MYPN: variants seen among roughly 807,000 people sequenced by gnomAD.
MYPN encodes myopalladin.
MYPN carries 63 observed loss-of-function variants against 129.4 expected under a neutral mutation model. The observed-to-expected ratio is 0.49, with a 90% CI of 0.40 to 0.60. The LOEUF is 0.60. Ranked by LOEUF, MYPN falls within the 20% of genes least tolerant of loss-of-function variation. The pLI is 0.00. For synonymous variants in MYPN, 629 were observed against 600.9 expected (o/e 1.05, Z -0.68); for missense variants, 1,596 against 1,635.4 (o/e 0.98, Z 0.42).
At chr10:68,099,179 T>G (rs1443172209) in intron 1 of MYPN, among the ~76,000 whole-genome samples, 1 of 152,156 alleles carries the variant, frequency 6.6e-6, no homozygotes, top group East Asian at 1.9e-4. Flanking sequence ...TAGATAAAAT[T>G]TGGGGTGGCT....
chr10:68,147,048 A>G (rs1364437451), intron 4 of MYPN, among the ~76,000 whole-genome samples: 1 of 152,200 alleles, frequency 6.6e-6, no homozygotes, highest in African/African-American at 2.4e-5. Flanking sequence ...TTTTACAATG[A>G]GCCATAGAGA....
At chr10:68,208,918 G>A (rs1380330104) in intron 19 of MYPN, among the ~76,000 whole-genome samples, 2 of 152,162 alleles carry the variant, frequency 1.3e-5, no homozygotes, top group Non-Finnish European at 2.9e-5. Flanking sequence ...GCTAAGAGAT[G>A]GAGGGGCTGG....
At chr10:68,129,768 A>G (rs2042381496) in intron 2 of MYPN, among the ~76,000 whole-genome samples, 1 of 152,134 alleles carries the variant, frequency 6.6e-6, no homozygotes, top group Admixed American at 6.5e-5. Context: ...TCAAATTTCA[A>G]TTTTTATTGG....
intron 2 of MYPN, among the ~76,000 whole-genome samples, chr10:68,130,645 A>T (rs938134373): frequency 6.6e-6 from 1 of 151,514 alleles, no homozygotes; most frequent in African/African-American, 2.4e-5. Context: ...AAATTAATTA[A>T]TTTTTTCCTT....
rs2043885324 is a variant in MYPN at position 68,210,185 on chromosome 10, A to G, written c.3794-101A>G. 9 of 1,348,678 alleles carry G rather than the reference A, an allele frequency of 6.7e-6. No individual in the cohort carries two copies. In the South Asian group the frequency reaches 1.1e-4, roughly 17 times the overall value. 83.5% of individuals were successfully genotyped at this position (1,348,678 alleles called of 1,614,324 possible). A position where few individuals can be genotyped will look rare whatever the true frequency, so the allele number is the denominator to read the frequency against. ...GGTATAGTTATATGCTTTACCAAGAATGCTCAGGGAGAATCGGGGTGAGGA... is the reference window on the plus strand; with the variant it reads ...GGTATAGTTATATGCTTTACCAAGAGTGCTCAGGGAGAATCGGGGTGAGGA... On this transcript the variant is annotated intron_variant, in intron 19 of 19. Transcript: ENST00000358913.
chr10:68,171,904 G>T (rs558305609), intron 10 of MYPN, among the ~76,000 whole-genome samples: 1 of 152,326 alleles, frequency 6.6e-6, no homozygotes, highest in East Asian at 1.9e-4. Flanking sequence ...AGCACACACT[G>T]CCAGAAATTG....
At chr10:68,196,596 A>T (rs1031067613) in intron 15 of MYPN, among the ~76,000 whole-genome samples, 10 of 146,212 alleles carry the variant, frequency 6.8e-5, no homozygotes, top group African/African-American at 2.3e-4. Context: ...TGATCTTCCC[A>T]CCTCAGCCTT....
rs1451376667 is a variant in MYPN at position 68,166,644 on chromosome 10, C to A, written c.1951C>A (p.Pro651Thr). The A allele has an allele frequency of 9.9e-6, 16 of 1,613,940 alleles. No individual in the cohort carries two copies. Among genetic ancestry groups the A allele is most frequent in the Non-Finnish European group, 1.4e-5 (16 of 1,180,032 alleles). ...TTCTTCCCCCGTGAAAGAGCCCCCT[C>A]CAGTTCTGGCCAAACCCAAACTGTA... The part of the protein sequence containing the change: ...EPSSPVKEPP[P>T]VLAKPKLDST... Residue 651 changes from proline (P) to threonine (T), a missense_variant, in exon 10 of 20, where the codon CCA (proline) becomes ACA (threonine). Physicochemically the swap from Pro to Thr is conservative, Grantham distance 38. Coordinates refer to ENST00000358913, the MANE Select transcript of MYPN (RefSeq NM_032578.4).
At chr10:68,183,480 G>GA (rs1045423881) in intron 12 of MYPN, among the ~76,000 whole-genome samples, 2 of 150,152 alleles carry the variant, frequency 1.3e-5, no homozygotes, top group Admixed American at 6.7e-5. Context: ...AAATTATTTG[G>GA]AAAAAAAAAT....
chr10:68,161,404 GAGAATTGCTTGAACC>G (rs2042972351), intron 7 of MYPN, among the ~76,000 whole-genome samples: 1 of 151,890 alleles, frequency 6.6e-6, no homozygotes, highest in South Asian at 2.1e-4. Context: ...GCTGAAGCAG[GAGAATTGCTTGAACC>G]CAGGAGAATT....
chr10:68,204,814 A>G (rs2043785441), intron 18 of MYPN, among the ~76,000 whole-genome samples: 1 of 151,824 alleles, frequency 6.6e-6, no homozygotes. Context: ...TCTGAGAGGA[A>G]GGGTCCCGTC....
upstream of MYPN, chr10:68,106,617 C>G (rs533798908): frequency 4.3e-6 from 3 of 702,466 alleles, no homozygotes; most frequent in South Asian, 4.5e-5. Flanking sequence ...CTTATTGAAG[C>G]TTTGGTATAT....
rs2043924014 is a variant in MYPN, at chr10:68,211,929, C to G, written c.*1474C>G. The G allele has an allele frequency of 2.5e-6, 1 of 400,220 alleles. No individual in the cohort carries two copies. The highest frequency in any genetic ancestry group is 2.1e-5 in the African/African-American group (1 of 48,100). 24.8% of individuals were successfully genotyped at this position (400,220 alleles called of 1,614,324 possible). On this transcript the variant is annotated 3_prime_UTR_variant, in exon 20 of 20. Coordinates refer to ENST00000358913, the MANE Select transcript of MYPN (RefSeq NM_032578.4). Reference sequence around the variant, plus strand: ...TCAGCTGGCATTGTATTTGTGTGAACAGACAGTAACTGCTTAGAAAGGCTT... The same window carrying G: ...TCAGCTGGCATTGTATTTGTGTGAAGAGACAGTAACTGCTTAGAAAGGCTT...
intron 1 of MYPN, among the ~76,000 whole-genome samples, chr10:68,120,840 G>T (rs192666598): frequency 2.0e-5 from 3 of 152,264 alleles, no homozygotes; most frequent in African/African-American, 7.2e-5. Flanking sequence ...TATTATTACA[G>T]TTATGTCATG....
At chr10:68,158,194 G>T (rs569378929) in intron 6 of MYPN, 1 of 325,576 alleles carries the variant, frequency 3.1e-6, no homozygotes, top group South Asian at 4.4e-5. Context: ...TTCCATGTGC[G>T]TCCCTCCTGA....
chr10:68,182,257 A>G (rs2043326871), intron 12 of MYPN, among the ~76,000 whole-genome samples: 1 of 100,928 alleles, frequency 9.9e-6, no homozygotes, highest in African/African-American at 3.3e-5. Context: ...TAACACACAT[A>G]TATATATAAC....
intron 12 of MYPN, among the ~76,000 whole-genome samples, chr10:68,186,046 C>T (rs2043416877): frequency 6.6e-6 from 1 of 152,190 alleles, no homozygotes; most frequent in South Asian, 2.1e-4. Context: ...TAATTGTTAA[C>T]TTTTCCCAAA....
intron 2 of MYPN, among the ~76,000 whole-genome samples, chr10:68,134,810 T>A (rs1056813718): frequency 3.9e-5 from 6 of 151,982 alleles, no homozygotes; most frequent in African/African-American, 1.5e-4. Flanking sequence ...ATAAATTAAT[T>A]AATTAATTAA....
intron 2 of MYPN, among the ~76,000 whole-genome samples, chr10:68,140,544 C>A (rs1316926530): frequency 6.6e-6 from 1 of 151,356 alleles, no homozygotes; most frequent in South Asian, 2.1e-4. Context: ...ATGTAACAAT[C>A]ATTCAGAATT....
Sources: gnomAD v4.1 joint callset for allele counts (sites outside exome capture counted in the v4.1 genomes callset) on GRCh38, gnomAD v4.1.1 for gene constraint, MANE v1.5 for transcripts, NCBI Gene and HGNC (gene_info 2026-07-23, HGNC 2026-07-21) for gene names.